PXYLP1: variants seen among roughly 807,000 people sequenced by gnomAD.
The protein encoded by PXYLP1 is 2-phosphoxylose phosphatase 1.
PXYLP1 carries 17 observed loss-of-function variants against 37.9 expected under a neutral mutation model. That is an observed-to-expected ratio of 0.45 (90% CI 0.31 to 0.67). PXYLP1 has a LOEUF of 0.67. Among genes scored for constraint, PXYLP1 ranks in the 30% least tolerant of loss-of-function variants. The pLI is 0.07. For synonymous variants in PXYLP1, 221 were observed against 232.2 expected, an observed-to-expected ratio of 0.95 and a Z score of 0.44; for missense variants, 511 against 612.0, an observed-to-expected ratio of 0.84 and a Z score of 1.74.
At chr3:141,268,194 A>T (rs1222152826) in intron 2 of PXYLP1, among the ~76,000 whole-genome samples, 4 of 119,064 alleles carry the variant, frequency 3.4e-5, no homozygotes, top group African/African-American at 1.5e-4. Context: ...AGAGAGAGAG[A>T]GAGAGAGAGA....
intron 1 of PXYLP1, among the ~76,000 whole-genome samples, chr3:141,243,873 C>G (rs1304821291): frequency 6.6e-6 from 1 of 152,200 alleles, no homozygotes; most frequent in Non-Finnish European, 1.5e-5. Context: ...ATGTGCCTGC[C>G]TTGTGAGATA....
intron 1 of PXYLP1, among the ~76,000 whole-genome samples, chr3:141,249,106 C>T (rs17204243): frequency 0.03 from 4,641 of 152,266 alleles, 94 homozygotes; most frequent in Non-Finnish European, 0.051. Flanking sequence ...CTAAGTGAGA[C>T]AGCCGTGTTC....
intron 3 of PXYLP1, among the ~76,000 whole-genome samples, 179 bp downstream of exon 3, chr3:141,278,679 C>T (rs975657900): frequency 1.3e-5 from 2 of 152,236 alleles, no homozygotes; most frequent in Non-Finnish European, 2.9e-5. Context: ...GAGTAACTCA[C>T]AGGACTTATG....
intron 5 of PXYLP1, chr3:141,291,488 T>C (rs1008827774): frequency 1.2e-4 from 19 of 152,218 alleles, no homozygotes; most frequent in African/African-American, 4.3e-4. Flanking sequence ...CAGGGAACCA[T>C]TGAGATTAGT....
intron 1 of PXYLP1, among the ~76,000 whole-genome samples, chr3:141,254,102 G>A (rs1941204374): frequency 6.6e-6 from 1 of 152,038 alleles, no homozygotes; most frequent in Non-Finnish European, 1.5e-5. Flanking sequence ...TAGTAAAGAT[G>A]TGGTTTCGCT....
rs141820682 is a variant in PXYLP1, at chr3:141,271,441, C to G, written c.80-6901C>G. On this transcript the variant is annotated intron_variant, in intron 2 of 5. Transcript: ENST00000286353. ...AAGTCCCAAAAAGGGCAAGGCAGAC[C>G]CTGGAGCTAGGAAGGTAAACAGATA... Among the ~76,000 whole-genome samples the G allele has an allele frequency of 1.9e-3, 285 of 152,206 alleles. 1 individual carries two copies. Among genetic ancestry groups the G allele is most frequent in the African/African-American group, 6.7e-3 (278 of 41,524 alleles).
At chr3:141,282,892 A>T (rs58970344) in intron 4 of PXYLP1, among the ~76,000 whole-genome samples, 1,638 of 152,306 alleles carry the variant, frequency 0.011, 27 homozygotes, top group African/African-American at 0.038. Flanking sequence ...TATGGGGGGA[A>T]GTTAGTACAG....
intron 2 of PXYLP1, chr3:141,273,016 C>A: frequency 1.0e-6 from 1 of 985,480 alleles, no homozygotes; most frequent in Non-Finnish European, 1.2e-6. Context: ...ATATCCATGT[C>A]TTCACTGCAT....
At chr3:141,249,532 T>C (rs930309895) in intron 1 of PXYLP1, among the ~76,000 whole-genome samples, 2 of 151,418 alleles carry the variant, frequency 1.3e-5, no homozygotes. Flanking sequence ...CTTGATATTA[T>C]GCCACTTGTA....
At chr3:141,245,636 C>T (rs1348156856) in intron 1 of PXYLP1, among the ~76,000 whole-genome samples, 3 of 152,140 alleles carry the variant, frequency 2.0e-5, no homozygotes, top group Admixed American at 1.3e-4. Flanking sequence ...CTGGGAATGA[C>T]AAGTCATAGA....
Position 141,293,093 on chromosome 3 carries a change from A to C in PXYLP1, c.1331A>C (p.Lys444Thr). ...CAAGACCACCACAAGCGTTCTCCCA[A>C]GCCCATGTGCCCGCTTGAAAACTTG... Reference protein sequence around the residue: ...FCQDHHKRSPKPMCPLENLVR... With the variant: ...FCQDHHKRSPTPMCPLENLVR... Residue 444 changes from lysine to threonine, a missense_variant, in exon 6 of 6, where the codon AAG becomes ACG. Coordinates refer to ENST00000286353, the MANE Select transcript of PXYLP1 (RefSeq NM_001037172.3). 1 of 1,614,206 alleles carries C rather than the reference A, an allele frequency of 6.2e-7. No individual in the cohort carries two copies. Among genetic ancestry groups the C allele is most frequent in the Non-Finnish European group, 8.5e-7 (1 of 1,180,046 alleles).
In PXYLP1 at chr3:141,294,803, GTAT is replaced by G. The variant is rs1942310932; in HGVS notation, c.*1600_*1602del. The G allele has an allele frequency of 6.6e-6, 1 of 152,130 alleles. No individual in the cohort carries two copies. Among genetic ancestry groups the G allele is most frequent in the South Asian group, 2.1e-4 (1 of 4,832 alleles). 9.4% of individuals were successfully genotyped at this position (152,130 alleles called of 1,614,324 possible). ...TGCTGAAAGTTGTGTTATCTCTCAA[GTAT>G]TCAAAGACTAAATGTGTTTTCTTTC... On this transcript the variant is annotated 3_prime_UTR_variant, in exon 6 of 6. Coordinates refer to ENST00000286353, the MANE Select transcript of PXYLP1 (RefSeq NM_001037172.3).
chr3:141,260,366 C>A, intron 2 of PXYLP1, 112 bp downstream of exon 2: 1 of 1,269,320 alleles, frequency 7.9e-7, no homozygotes, highest in Non-Finnish European at 1.1e-6. Flanking sequence ...ACAACGAAGT[C>A]TTTTTATTGT....
At chr3:141,286,964 C>T (rs1041111819) in intron 4 of PXYLP1, among the ~76,000 whole-genome samples, 4 of 152,138 alleles carry the variant, frequency 2.6e-5, no homozygotes, top group Non-Finnish European at 4.4e-5. Context: ...GAGAGTGGGA[C>T]GATGCCCAGC....
chr3:141,233,257 C>T (rs976546279), intron 1 of PXYLP1, among the ~76,000 whole-genome samples: 2 of 152,082 alleles, frequency 1.3e-5, no homozygotes, highest in African/African-American at 2.4e-5. Flanking sequence ...CACCAGAGGT[C>T]GGGAGTTCGA....
At chr3:141,268,981 C>T (rs1311784959) in intron 2 of PXYLP1, among the ~76,000 whole-genome samples, 4 of 152,252 alleles carry the variant, frequency 2.6e-5, no homozygotes, top group Non-Finnish European at 5.9e-5. Flanking sequence ...GGGGTCTGCC[C>T]GTCCACACCA....
intron 1 of PXYLP1, among the ~76,000 whole-genome samples, chr3:141,234,607 G>A (rs1168272861): frequency 6.6e-6 from 1 of 152,200 alleles, no homozygotes; most frequent in East Asian, 1.9e-4. Context: ...CTCTATTGGT[G>A]GGAGGGAGGT....
rs568138422 is a variant in PXYLP1 at position 141,241,688 on chromosome 3, A to G, written c.-54+9777A>G. 1.9e-4 allele frequency among the ~76,000 whole-genome samples: 29 copies of G among 152,310 alleles called. No individual in the cohort carries two copies. In the East Asian group the frequency reaches 5.2e-3, roughly 27 times the overall value. ...GATGGTGTGGCCATTCACCCGTCCA[A>G]CACTGCTGTGCCATGGGGCCTGGCC... On this transcript the variant is annotated intron_variant, in intron 1 of 5. Transcript: ENST00000286353.
rs376224812 is a variant in PXYLP1 at position 141,262,104 on chromosome 3, A to T, written c.79+1850A>T. The T allele has an allele frequency of 1.5e-3, 284 of 193,244 alleles. 9 individuals carry two copies. In the South Asian group the frequency reaches 0.048, roughly 33 times the overall value. 12.0% of individuals were successfully genotyped at this position (193,244 alleles called of 1,614,324 possible). A position where few individuals can be genotyped will look rare whatever the true frequency, so the allele number is the denominator to read the frequency against. ...AACATGGGGAAGGCTTGGCTCTAGGAGGAGGTGGTTTCAAGAGAGGAGACT... is the reference window on the plus strand; with the variant it reads ...AACATGGGGAAGGCTTGGCTCTAGGTGGAGGTGGTTTCAAGAGAGGAGACT... On this transcript the variant is annotated intron_variant, in intron 2 of 5. Coordinates refer to ENST00000286353, the MANE Select transcript of PXYLP1 (RefSeq NM_001037172.3).
Sources: gnomAD v4.1 joint callset for allele counts (sites outside exome capture counted in the v4.1 genomes callset) on GRCh38, gnomAD v4.1.1 for gene constraint, MANE v1.5 for transcripts, NCBI Gene and HGNC (gene_info 2026-07-23, HGNC 2026-07-21) for gene names.